ANKRD30A: variants seen among roughly 807,000 people sequenced by gnomAD.
ANKRD30A encodes the protein ankyrin repeat domain-containing protein 30A.
ANKRD30A carries 170 observed loss-of-function variants against 166.3 expected under a neutral mutation model. The observed-to-expected ratio is 1.02, with a 90% CI of 0.90 to 1.16. The LOEUF (loss-of-function observed/expected upper bound fraction) is 1.16. ANKRD30A is among the 50% of genes most tolerant of loss of function. The pLI, the probability that ANKRD30A is intolerant of heterozygous loss-of-function variation, is 0.00. For synonymous variants in ANKRD30A, 564 were observed against 508.9 expected, an observed-to-expected ratio of 1.11 and a Z score of -1.46; for missense variants, 1,630 against 1,518.0, an observed-to-expected ratio of 1.07 and a Z score of -1.23.
downstream of ANKRD30A, chr10:37,232,699 G>GTATATATATATATATAAAT (rs1564604965): frequency 1.9e-4 from 1 of 5,316 alleles, no homozygotes; most frequent in African/African-American, 5.3e-4. Flanking sequence ...TATATAAATA[G>GTATATATATATATATAAAT]AGAGAGAGAG....
intron 12 of ANKRD30A, among the ~76,000 whole-genome samples, chr10:37,153,160 A>G (rs1201921711): frequency 9.9e-5 from 15 of 152,174 alleles, no homozygotes; most frequent in Non-Finnish European, 1.9e-4. Context: ...TGTGATCATG[A>G]ATATTTTAAA....
intron 15 of ANKRD30A, among the ~76,000 whole-genome samples, chr10:37,161,446 T>TC (rs1491129506): frequency 6.6e-6 from 1 of 152,038 alleles, no homozygotes; most frequent in Non-Finnish European, 1.5e-5. Context: ...GGTTTTTTTT[T>TC]ATTTTCTGTT....
At chr10:37,220,142 A>G (rs986952108) in intron 34 of ANKRD30A, among the ~76,000 whole-genome samples, 1 of 149,720 alleles carries the variant, frequency 6.7e-6, no homozygotes, top group African/African-American at 2.4e-5. Context: ...TTGAGTAAAG[A>G]CATTGTGTCA....
intron 27 of ANKRD30A, among the ~76,000 whole-genome samples, chr10:37,194,494 C>A (rs1429171910): frequency 6.6e-6 from 1 of 152,076 alleles, no homozygotes. Flanking sequence ...GCGCGTGCCA[C>A]CACGCCTGGC....
At chr10:37,202,952 G>A (rs145104141) in intron 31 of ANKRD30A, among the ~76,000 whole-genome samples, 1,718 of 152,078 alleles carry the variant, frequency 0.011, 32 homozygotes, top group African/African-American at 0.04. Context: ...GAGAATCCCC[G>A]AATAGACCAA....
At chr10:37,204,507 T>A (rs544195791) in intron 31 of ANKRD30A, among the ~76,000 whole-genome samples, 2 of 152,178 alleles carry the variant, frequency 1.3e-5, no homozygotes, top group Admixed American at 6.5e-5. Flanking sequence ...CCTAAAACCA[T>A]AAAAACCCTA....
In ANKRD30A at chr10:37,149,685, T is replaced by A. The variant is rs1371142971; in HGVS notation, c.1572+6T>A. ...AGAAGCCATCTGCCTTCAAGGTATT[T>A]AGTTTTATTATTTCATTTTGAATGA... On this transcript the variant is annotated splice_donor_region_variant and intron_variant, in intron 10 of 35. Coordinates refer to ENST00000361713, the MANE Select transcript of ANKRD30A (RefSeq NM_052997.3). 1 of 1,612,508 alleles carries A rather than the reference T, an allele frequency of 6.2e-7. No homozygotes were observed. Among genetic ancestry groups the A allele is most frequent in the South Asian group, 1.1e-5 (1 of 90,966 alleles).
Position 37,149,679 on chromosome 10 carries a change from G to C in ANKRD30A, c.1572G>C (p.Lys524Asn). ...CTCCTAAGAAGCCATCTGCCTTCAA[G>C]GTATTTAGTTTTATTATTTCATTTT... ...EEPPKKPSAFKPAIEMQNSVP... is the reference protein window; with the variant it reads ...EEPPKKPSAFNPAIEMQNSVP... Residue 524 changes from lysine to asparagine, a missense_variant and splice_region_variant, in exon 10 of 36, where the codon AAG becomes AAC. Coordinates refer to ENST00000361713, the MANE Select transcript of ANKRD30A (RefSeq NM_052997.3). The C allele has an allele frequency of 6.2e-7, 1 of 1,612,330 alleles. No individual in the cohort carries two copies. Among genetic ancestry groups the C allele is most frequent in the Non-Finnish European group, 8.5e-7 (1 of 1,178,844 alleles).
rs993432133 is a variant in ANKRD30A, at chr10:37,231,567, A to G, written c.*98A>G. ...CCAGTCCTAGCATCACCTTATGTTGAAAATCTTACCAATAGTCTGTGTCAA... is the reference window on the plus strand; with the variant it reads ...CCAGTCCTAGCATCACCTTATGTTGGAAATCTTACCAATAGTCTGTGTCAA... On this transcript the variant is annotated 3_prime_UTR_variant, in exon 35 of 36. Transcript: ENST00000361713. 1 of 965,558 alleles carries G rather than the reference A, an allele frequency of 1.0e-6. No homozygotes were observed. Among genetic ancestry groups the G allele is most frequent in the Admixed American group, 2.7e-5 (1 of 37,558 alleles). 59.8% of individuals were successfully genotyped at this position (965,558 alleles called of 1,614,324 possible). A position where few individuals can be genotyped will look rare whatever the true frequency, so the allele number is the denominator to read the frequency against.
chr10:37,213,804 T>A (rs1842471316), intron 31 of ANKRD30A, among the ~76,000 whole-genome samples: 1 of 151,688 alleles, frequency 6.6e-6, no homozygotes, highest in African/African-American at 2.4e-5. Context: ...AGTTGAGTTG[T>A]TTCAGGTACT....
chr10:37,215,222 T>G (rs1842543136), intron 31 of ANKRD30A, among the ~76,000 whole-genome samples: 1 of 151,504 alleles, frequency 6.6e-6, no homozygotes. Flanking sequence ...TTTCTGACTA[T>G]TCATTTTCCT....
At chr10:37,258,670 A>AC in the ANKRD30A span, among the ~76,000 whole-genome samples, 1 of 149,768 alleles carries the variant, frequency 6.7e-6, no homozygotes, top group Non-Finnish European at 1.5e-5. Flanking sequence ...AAAAAAAAAA[A>AC]GCTTCTACAA....
At chr10:37,164,754 G>C (rs1189672412) in intron 17 of ANKRD30A, among the ~76,000 whole-genome samples, 1 of 152,098 alleles carries the variant, frequency 6.6e-6, no homozygotes, top group East Asian at 1.9e-4. Context: ...AGAAATGAGA[G>C]ATGATAGGTA....
intron 31 of ANKRD30A, among the ~76,000 whole-genome samples, chr10:37,206,303 A>T (rs1432259705): frequency 6.6e-6 from 1 of 152,098 alleles, no homozygotes; most frequent in Non-Finnish European, 1.5e-5. Context: ...CCAGAAGATG[A>T]GATTGTGTGT....
In ANKRD30A at chr10:37,158,606, T is replaced by C. The variant is rs1838573631; in HGVS notation, c.1900+20T>C. ...AAGCAGGTAAATTTTGTAATTTTAA[T>C]TTTACTCTGGAAAGGAGAATATTAA... On this transcript the variant is annotated intron_variant, in intron 15 of 35. Coordinates refer to ENST00000361713, the MANE Select transcript of ANKRD30A (RefSeq NM_052997.3). 3.7e-6 allele frequency: 6 copies of C among 1,611,700 alleles called. No homozygotes were observed. The highest frequency in any genetic ancestry group is 3.4e-6 in the Non-Finnish European group (4 of 1,179,000).
At position 37,131,465 on chromosome 10, in the gene ANKRD30A, G is replaced by A. The variant is rs532292697; in HGVS notation, c.511-775G>A. Among the ~76,000 whole-genome samples the A allele has an allele frequency of 5.0e-4, 76 of 152,186 alleles. No homozygotes were observed. The Middle Eastern group carries it at 0.034, about 68-fold the overall frequency. On this transcript the variant is annotated intron_variant, in intron 3 of 35. Transcript: ENST00000361713. ...TGTCTTGTAATAGGAGAAACCCCAT[G>A]GACCATTTAATAATAAGCAATCAAA...
chr10:37,227,916 G>A (rs1380785801), intron 34 of ANKRD30A, among the ~76,000 whole-genome samples: 1 of 151,964 alleles, frequency 6.6e-6, no homozygotes, highest in Non-Finnish European at 1.5e-5. Flanking sequence ...TGGAAATGGA[G>A]CTAATTCATC....
At chr10:37,238,756 C>T in the ANKRD30A span, among the ~76,000 whole-genome samples, 1 of 152,018 alleles carries the variant, frequency 6.6e-6, no homozygotes, top group South Asian at 2.1e-4. Context: ...GTTGAAGTCA[C>T]GTGAAAATGT....
chr10:37,244,987 T>C, the ANKRD30A span, among the ~76,000 whole-genome samples: 470 of 152,306 alleles, frequency 3.1e-3, 4 homozygotes, highest in East Asian at 0.046. Context: ...AAATGCCATA[T>C]ACATTTTATA....
Sources: allele counts gnomAD v4.1 joint callset (sites outside exome capture counted in the v4.1 genomes callset), GRCh38; gene constraint gnomAD v4.1.1; transcripts MANE v1.5; gene names NCBI Gene and HGNC (gene_info 2026-07-23, HGNC 2026-07-21).